The following NUP214 variants were observed in gnomAD, a reference collection of about 807,000 sequenced individuals.
NUP214 encodes the protein nuclear pore complex protein Nup214.
A neutral mutation model predicts 196.2 loss-of-function variants in NUP214; 79 were observed. That is an observed-to-expected ratio of 0.40 (90% CI 0.34 to 0.49). The LOEUF is 0.49. Among genes scored for constraint, NUP214 ranks in the 20% least tolerant of loss-of-function variants. NUP214 has a pLI of 0.58. For synonymous variants in NUP214, 1,020 were observed against 990.5 expected (o/e 1.03, Z -0.56); for missense variants, 2,468 against 2,539.0 (o/e 0.97, Z 0.60).
In NUP214 at chr9:131,144,520, C is replaced by A; in HGVS notation, c.1535C>A (p.Ala512Asp). Reference protein sequence around the residue: ...YSSGSDSSKAAPGPGPSTFSF... With the variant: ...YSSGSDSSKADPGPGPSTFSF... ...AGTGGCTCCGACAGCTCCAAAGCAG[C>A]CCCAGGCCCTGGCCCATCAACCTTC... is the stretch of plus-strand genomic sequence containing the variant. Residue 512 changes from alanine to aspartate, a missense_variant, in exon 12 of 36, where the codon GCC (alanine) becomes GAC (aspartate). By Grantham distance (126) the Ala-to-Asp change is moderately radical. Transcript: ENST00000359428. 6.2e-7 allele frequency: 1 copy of A among 1,614,128 alleles called. No homozygotes were observed. The highest frequency in any genetic ancestry group is 1.1e-5 in the South Asian group (1 of 91,076).
At chr9:131,139,255 C>CTTTTTTTTTTTTTT (rs200377608) in intron 9 of NUP214, 26 bp from the exon 10 acceptor site, 28 of 1,093,094 alleles carry the variant, frequency 2.6e-5, no homozygotes, top group Admixed American at 8.9e-5. Flanking sequence ...TCTTCTTCTT[C>CTTTTTTTTTTTTTT]TTTTTTTTTT....
rs1316988508 is a variant in NUP214, at chr9:131,173,184, G to GT, written c.2894-870dup. On this transcript the variant is annotated intron_variant, in intron 21 of 35. Coordinates refer to ENST00000359428, the MANE Select transcript of NUP214 (RefSeq NM_005085.4). ...CGATTCTCCTGCCTCAGCCTCCTGAGTAGCTGGGAGTACAGGTGTGCACCA... is the reference window on the plus strand; with the variant it reads ...CGATTCTCCTGCCTCAGCCTCCTGAGTTAGCTGGGAGTACAGGTGTGCACCA... Among the ~76,000 whole-genome samples, 5 of 152,184 alleles carry GT rather than the reference G, an allele frequency of 3.3e-5. No individual in the cohort carries two copies. The East Asian group carries it at 9.7e-4, about 29-fold the overall frequency.
intron 29 of NUP214, among the ~76,000 whole-genome samples, chr9:131,200,624 G>A (rs1256231515): frequency 2.6e-5 from 4 of 152,130 alleles, no homozygotes; most frequent in South Asian, 2.1e-4. Context: ...CAGGAGAATC[G>A]CTTGAACCTG....
intron 7 of NUP214, chr9:131,133,813 T>C (rs1564178131): frequency 6.6e-6 from 1 of 152,238 alleles, no homozygotes; most frequent in Non-Finnish European, 1.5e-5. Flanking sequence ...AGTATCTTGA[T>C]TTTTAAAATT....
intron 26 of NUP214, chr9:131,190,539 G>A: frequency 1.5e-6 from 1 of 669,908 alleles, no homozygotes; most frequent in Non-Finnish European, 2.7e-6. Flanking sequence ...CCTGAAAGGT[G>A]CTGCTTAAGA....
chr9:131,194,956 C>A (rs1201745082), intron 27 of NUP214, among the ~76,000 whole-genome samples: 1 of 152,126 alleles, frequency 6.6e-6, no homozygotes, highest in African/African-American at 2.4e-5. Flanking sequence ...GCAAGAAGTC[C>A]CCACTCAAAC....
chr9:131,126,064 G>GC (rs1298779616), intron 1 of NUP214: 2 of 397,374 alleles, frequency 5.0e-6, no homozygotes, highest in Non-Finnish European at 4.6e-6. Flanking sequence ...CATCGCGGCA[G>GC]CCCTACGAAG....
At chr9:131,184,026 C>CTTTTTTTTTTTTTTTT (rs776765956) in intron 24 of NUP214, among the ~76,000 whole-genome samples, 23 of 104,360 alleles carry the variant, frequency 2.2e-4, no homozygotes, top group Non-Finnish European at 3.5e-4. Context: ...TTTTCTTTTT[C>CTTTTTTTTTTTTTTTT]TTTTTTTTTT....
chr9:131,214,841 G>A (rs889413255), intron 30 of NUP214, among the ~76,000 whole-genome samples: 6 of 152,318 alleles, frequency 3.9e-5, no homozygotes, highest in Admixed American at 2.6e-4. Flanking sequence ...AATAAGTGGT[G>A]TCCGTAATAG....
At chr9:131,210,877 G>A (rs1455452086) in intron 30 of NUP214, among the ~76,000 whole-genome samples, 4 of 152,264 alleles carry the variant, frequency 2.6e-5, no homozygotes, top group African/African-American at 7.2e-5. Flanking sequence ...TAGAAGGGTA[G>A]GAGACAGAAT....
chr9:131,209,605 G>T (rs1335324159), intron 30 of NUP214, among the ~76,000 whole-genome samples: 1 of 152,074 alleles, frequency 6.6e-6, no homozygotes, highest in Non-Finnish European at 1.5e-5. Context: ...TGTTGGCCAG[G>T]CTGGTCTCGA....
At chr9:131,142,403 GC>G (rs1384119497) in intron 11 of NUP214, among the ~76,000 whole-genome samples, 1 of 152,242 alleles carries the variant, frequency 6.6e-6, no homozygotes, top group Non-Finnish European at 1.5e-5. Flanking sequence ...GTAGAAGAGA[GC>G]CCCTGCGGGG....
chr9:131,177,271 G>A lies in NUP214; in HGVS notation c.3320-1040G>A, dbSNP rs185831082. On this transcript the variant is annotated intron_variant, in intron 23 of 35. Transcript: ENST00000359428. ...GAAGAACAAAACAAAGATAACTTTT[G>A]AGGTACCTTTGGGCTTTCTAAAAAT... Among the ~76,000 whole-genome samples the A allele has an allele frequency of 2.3e-3, 349 of 152,254 alleles. 4 individuals are homozygous for A. The highest frequency in any genetic ancestry group is 8.1e-3 in the African/African-American group (335 of 41,544).
In NUP214 at chr9:131,228,348, G is replaced by A. The variant is rs746565362; in HGVS notation, c.6074+17G>A. On this transcript the variant is annotated intron_variant, in intron 33 of 35. Coordinates refer to ENST00000359428, the MANE Select transcript of NUP214 (RefSeq NM_005085.4). ...AGGATTCGGGTAAGCCCCCTGGGGA[G>A]GGCCCTTGGGAACCCACACGCCAGC... The A allele has an allele frequency of 1.3e-6, 2 of 1,565,646 alleles. No individual in the cohort carries two copies. The highest frequency in any genetic ancestry group is 2.4e-5 in the South Asian group (2 of 84,022).
chr9:131,126,111 A>T (rs1055997516), intron 1 of NUP214: 1 of 280,780 alleles, frequency 3.6e-6, no homozygotes, highest in African/African-American at 2.3e-5. Context: ...GAGGCTCGGA[A>T]AGTAATTTCC....
At position 131,144,261 on chromosome 9, in the gene NUP214, C is replaced by T. The variant is rs767474659; in HGVS notation, c.1295-19C>T. ...CTGTTACAGTGTTAACATTTTCCTT[C>T]CTTTTTTTGTCACTGCAGGAAGTAC... On this transcript the variant is annotated intron_variant, in intron 11 of 35. Transcript: ENST00000359428. 10 of 1,583,188 alleles carry T rather than the reference C, an allele frequency of 6.3e-6. No homozygotes were observed. Among genetic ancestry groups the T allele is most frequent in the Non-Finnish European group, 8.7e-6 (10 of 1,155,178 alleles).
At chr9:131,150,537 A>G in intron 15 of NUP214, 79 bp from the exon 16 acceptor site, 1 of 1,580,454 alleles carries the variant, frequency 6.3e-7, no homozygotes, top group Non-Finnish European at 8.7e-7. Flanking sequence ...CAGCAGTCTG[A>G]GCAGTTAGTA....
rs1374221004 is a variant in NUP214 at position 131,125,962 on chromosome 9, T to G, written c.45+213T>G. On this transcript the variant is annotated intron_variant, in intron 1 of 35. Coordinates refer to ENST00000359428, the MANE Select transcript of NUP214 (RefSeq NM_005085.4). This position sits in a 1 kb window ranked among gnomAD's most constrained non-coding sequence, Gnocchi z 4.1. The stretch of plus-strand genomic sequence containing the variant: ...CCATCCTGGTCTCGTGCACGGCTGT[T>G]GAGTTACCCTAGCTACTTCCTGGGG... The G allele has an allele frequency of 8.3e-6, 5 of 604,532 alleles. No individual in the cohort carries two copies. In the East Asian group the frequency reaches 1.5e-4, roughly 18 times the overall value. 37.4% of individuals were successfully genotyped at this position (604,532 alleles called of 1,614,324 possible). A position where few individuals can be genotyped will look rare whatever the true frequency, so the allele number is the denominator to read the frequency against.
chr9:131,133,876 A>G lies in NUP214; in HGVS notation c.831+667A>G, dbSNP rs575866367. On this transcript the variant is annotated intron_variant, in intron 7 of 35. Coordinates refer to ENST00000359428, the MANE Select transcript of NUP214 (RefSeq NM_005085.4). ...CCAACAGTGTGCTAGGCACTGCTTT[A>G]AAGCTGAGTATATAGCAGTGATCAA... 5.4e-4 allele frequency among the ~76,000 whole-genome samples: 82 copies of G among 152,332 alleles called. 1 individual carries two copies. Among genetic ancestry groups the G allele is most frequent in the African/African-American group, 1.5e-3 (64 of 41,560 alleles).
Sources: allele counts gnomAD v4.1 joint callset (sites outside exome capture counted in the v4.1 genomes callset), GRCh38; gene constraint gnomAD v4.1.1; non-coding constraint Gnocchi (gnomAD v3.1); transcripts MANE v1.5; gene names NCBI Gene and HGNC (gene_info 2026-07-23, HGNC 2026-07-21).